The following DLGAP1 variants were observed in gnomAD, a reference collection of about 807,000 sequenced individuals.
DLGAP1 encodes the protein DLG associated protein 1, also known as disks large-associated protein 1.
In DLGAP1, 11 loss-of-function variants were observed where a neutral mutation model predicts 90.8. The observed-to-expected ratio is 0.12, with a 90% confidence interval of 0.08 to 0.20. DLGAP1 has a LOEUF of 0.20. DLGAP1 is among the 10% of genes least tolerant of loss of function. The pLI is 1.00. For missense variants in DLGAP1, 1,050 were observed against 1,333.8 expected, an observed-to-expected ratio of 0.79 and a Z score of 3.31; for synonymous variants, 558 against 540.7, an observed-to-expected ratio of 1.03 and a Z score of -0.44.
chr18:3,508,641 C>T lies in DLGAP1; in HGVS notation c.2500G>A (p.Ala834Thr), dbSNP rs757361946. 6.8e-6 allele frequency: 11 copies of T among 1,613,546 alleles called. No individual in the cohort carries two copies. The highest frequency in any genetic ancestry group is 2.2e-5 in the South Asian group (2 of 91,020). ...PEDILGKIRTAVGSAQLLMAQ... is the reference protein window; with the variant it reads ...PEDILGKIRTTVGSAQLLMAQ... ...ATGAGAAGTTGGGCACTGCCCACTG[C>T]GGTTCGGATTTTTCCTAGAACTGGA... The change falls in exon 11 of 13, where the codon GCA (alanine) becomes ACA (threonine). Residue 834 changes from alanine to threonine, a missense_variant. By Grantham distance (58) the Ala-to-Thr change is moderately conservative. Coordinates refer to ENST00000315677, the MANE Select transcript of DLGAP1 (RefSeq NM_004746.4).
At chr18:3,656,794 G>A (rs1347773770) in intron 7 of DLGAP1, among the ~76,000 whole-genome samples, 4 of 151,736 alleles carry the variant, frequency 2.6e-5, no homozygotes, top group African/African-American at 4.8e-5. Flanking sequence ...GTGCAGTGGC[G>A]CAATCTCGGA....
intron 3 of DLGAP1, among the ~76,000 whole-genome samples, chr18:3,891,217 A>C (rs1191050745): frequency 6.6e-6 from 1 of 152,064 alleles, no homozygotes; most frequent in East Asian, 1.9e-4. Flanking sequence ...CATTCCATCC[A>C]TCCCTAGTGG....
chr18:4,060,884 A>C (rs780086425), intron 2 of DLGAP1, among the ~76,000 whole-genome samples: 7 of 152,210 alleles, frequency 4.6e-5, no homozygotes, highest in Admixed American at 6.5e-5. Flanking sequence ...AGTCATGAGA[A>C]AATTCATGAA....
Position 3,498,914 on chromosome 18 carries a change from TAA to T in DLGAP1, c.*269_*270del. Reference sequence around the variant, plus strand: ...GGTGGGTTTGGCTTTGCCCAGAAAATAAAGGGTTGGATCTCAGTATGAGGCAG... The same window carrying T: ...GGTGGGTTTGGCTTTGCCCAGAAAATAGGGTTGGATCTCAGTATGAGGCAG... On this transcript the variant is annotated 3_prime_UTR_variant, in exon 13 of 13. Transcript: ENST00000315677. 2.1e-6 allele frequency: 1 copy of T among 472,476 alleles called. No individual in the cohort carries two copies. Among genetic ancestry groups the T allele is most frequent in the Non-Finnish European group, 3.7e-6 (1 of 269,220 alleles). The allele number at this position is 472,476 out of a possible 1,614,324, so 29.3% of individuals were successfully genotyped here.
At chr18:3,547,689 A>G (rs1178936696) in intron 9 of DLGAP1, among the ~76,000 whole-genome samples, 1 of 152,182 alleles carries the variant, frequency 6.6e-6, no homozygotes, top group African/African-American at 2.4e-5. Context: ...AAAACGGTGC[A>G]GCCACTGTGG....
At chr18:3,637,944 C>CTTTTTT (rs56346479) in intron 7 of DLGAP1, among the ~76,000 whole-genome samples, 5 of 109,390 alleles carry the variant, frequency 4.6e-5, no homozygotes, top group South Asian at 3.2e-4. Context: ...TGCTAGGTAG[C>CTTTTTT]TTTTTTTTTT....
intron 1 of DLGAP1, among the ~76,000 whole-genome samples, chr18:4,271,144 A>G (rs1216893294): frequency 6.6e-6 from 1 of 152,146 alleles, no homozygotes; most frequent in East Asian, 1.9e-4. Context: ...CTGGTTTCAC[A>G]CTAGAATCAT....
intron 5 of DLGAP1, among the ~76,000 whole-genome samples, chr18:3,747,173 G>A (rs1215810421): frequency 3.3e-5 from 5 of 152,068 alleles, no homozygotes; most frequent in African/African-American, 1.2e-4. Flanking sequence ...ACATAGTGAG[G>A]CCCTGTCTGT....
At chr18:4,167,455 C>T (rs572511175) in intron 1 of DLGAP1, among the ~76,000 whole-genome samples, 1 of 152,114 alleles carries the variant, frequency 6.6e-6, no homozygotes, top group Admixed American at 6.5e-5. Flanking sequence ...AGATATAACC[C>T]CTGAATCTTA....
At chr18:3,575,403 T>A (rs969094193) in intron 8 of DLGAP1, among the ~76,000 whole-genome samples, 2 of 152,182 alleles carry the variant, frequency 1.3e-5, no homozygotes, top group African/African-American at 4.8e-5. Context: ...TTTTGCAAAT[T>A]GAGTTAAATG....
At chr18:4,219,775 A>G (rs1273483800) in intron 1 of DLGAP1, among the ~76,000 whole-genome samples, 1 of 152,102 alleles carries the variant, frequency 6.6e-6, no homozygotes, top group Non-Finnish European at 1.5e-5. Flanking sequence ...CCTTTGTCAA[A>G]AATGAATTGA....
chr18:3,997,251 G>C (rs2074090341), intron 3 of DLGAP1, among the ~76,000 whole-genome samples: 1 of 106,942 alleles, frequency 9.4e-6, no homozygotes. Flanking sequence ...AAATGAAAAG[G>C]AACTACTAAA....
chr18:4,187,470 T>C (rs2077317880), intron 1 of DLGAP1, among the ~76,000 whole-genome samples: 1 of 152,210 alleles, frequency 6.6e-6, no homozygotes, highest in South Asian at 2.1e-4. Flanking sequence ...TTTTAAGTAC[T>C]GAAATATTAA....
chr18:3,707,065 G>A lies in DLGAP1; in HGVS notation c.1591+22070C>T, dbSNP rs141637084. Among the ~76,000 whole-genome samples the A allele has an allele frequency of 3.1e-3, 476 of 152,158 alleles. 1 individual carries two copies. Among genetic ancestry groups the A allele is most frequent in the African/African-American group, 0.01 (431 of 41,514 alleles). ...TACATGGAGAATATAATGGAGAAAT[G>A]GGTTGTTAAGGGACTGATTAATTAG... is the stretch of plus-strand genomic sequence containing the variant. On this transcript the variant is annotated intron_variant, in intron 7 of 12. Transcript: ENST00000315677.
chr18:4,077,573 G>GC (rs1310182957), intron 2 of DLGAP1, among the ~76,000 whole-genome samples: 2 of 151,918 alleles, frequency 1.3e-5, no homozygotes, highest in African/African-American at 2.4e-5. Context: ...AGATCCTCCT[G>GC]CCCGCCTGAC....
rs558569254 is a variant in DLGAP1 at position 3,776,766 on chromosome 18, G to T, written c.1173-34254C>A. 1.2e-3 allele frequency among the ~76,000 whole-genome samples: 181 copies of T among 152,250 alleles called. 1 individual carries two copies. Among genetic ancestry groups the T allele is most frequent in the African/African-American group, 4.1e-3 (172 of 41,556 alleles). ...AAACAAAACAAAAACAATTCAAAGAGATCACTGGGAAAATTATTTCATTTA... is the reference window on the plus strand; with the variant it reads ...AAACAAAACAAAAACAATTCAAAGATATCACTGGGAAAATTATTTCATTTA... On this transcript the variant is annotated intron_variant, in intron 5 of 12. Coordinates refer to ENST00000315677, the MANE Select transcript of DLGAP1 (RefSeq NM_004746.4).
At chr18:3,608,321 CT>C (rs1425715957) in intron 7 of DLGAP1, 4 of 121,192 alleles carry the variant, frequency 3.3e-5, no homozygotes, top group African/African-American at 1.3e-4. Flanking sequence ...GAAACTCCAT[CT>C]CAAAAAAAAA....
intron 1 of DLGAP1, among the ~76,000 whole-genome samples, chr18:4,174,422 C>T (rs531938982): frequency 2.6e-5 from 4 of 152,094 alleles, no homozygotes; most frequent in South Asian, 4.2e-4. Flanking sequence ...GCAACCTCCG[C>T]CCCCCGGGTT....
intron 7 of DLGAP1, among the ~76,000 whole-genome samples, chr18:3,682,524 G>C (rs376449392): frequency 1.3e-5 from 2 of 152,180 alleles, no homozygotes; most frequent in Non-Finnish European, 2.9e-5. Context: ...AGTTGGGCCC[G>C]ATCCTCTCTC....
Sources: gnomAD v4.1 joint callset for allele counts (sites outside exome capture counted in the v4.1 genomes callset) on GRCh38, gnomAD v4.1.1 for gene constraint, MANE v1.5 for transcripts, NCBI Gene and HGNC (gene_info 2026-07-23, HGNC 2026-07-21) for gene names.